Variants in KCNC2 observed in about 807,000 individuals in gnomAD.
The protein encoded by KCNC2 is voltage-gated potassium channel KCNC2.
In KCNC2, 21 loss-of-function variants were observed where a neutral mutation model predicts 44.5. The observed-to-expected ratio is 0.47, with a 90% CI of 0.33 to 0.68. KCNC2 has a LOEUF of 0.68. KCNC2 is among the 30% of genes least tolerant of loss of function. The probability of loss-of-function intolerance (pLI) is 0.01; values close to 1 mark genes in which losing one functional copy is unlikely to be tolerated. For synonymous variants in KCNC2, 391 were observed against 339.1 expected, an observed-to-expected ratio of 1.15 and a Z score of -1.68; for missense variants, 589 against 826.2, an observed-to-expected ratio of 0.71 and a Z score of 3.52.
chr12:75,148,698 C>T (rs930392207), intron 2 of KCNC2, among the ~76,000 whole-genome samples: 4 of 151,724 alleles, frequency 2.6e-5, no homozygotes, highest in African/African-American at 9.7e-5. Flanking sequence ...TATTACTAAG[C>T]GTTGTTGTGG....
chr12:75,191,393 A>C (rs2030196978), intron 2 of KCNC2, among the ~76,000 whole-genome samples: 1 of 151,264 alleles, frequency 6.6e-6, no homozygotes, highest in African/African-American at 2.4e-5. Flanking sequence ...CATTGTAAAA[A>C]TATTTAAATT....
At chr12:75,190,999 A>G (rs1240029930) in intron 2 of KCNC2, among the ~76,000 whole-genome samples, 3 of 152,126 alleles carry the variant, frequency 2.0e-5, no homozygotes, top group Non-Finnish European at 4.4e-5. Flanking sequence ...ATTCAGTAAG[A>G]TAACTATACC....
chr12:75,205,491 T>A (rs944832774), intron 2 of KCNC2, among the ~76,000 whole-genome samples: 4 of 152,116 alleles, frequency 2.6e-5, no homozygotes, highest in African/African-American at 9.7e-5. Context: ...AAGTCAATGG[T>A]TTATCCTTTT....
chr12:75,120,180 G>A (rs76622495), intron 2 of KCNC2, among the ~76,000 whole-genome samples: 2,140 of 152,252 alleles, frequency 0.014, 44 homozygotes, highest in African/African-American at 0.048. Flanking sequence ...AGAACAACAC[G>A]TTTTCCATTA....
chr12:75,126,758 C>G (rs1464412204), intron 2 of KCNC2, among the ~76,000 whole-genome samples: 1 of 151,986 alleles, frequency 6.6e-6, no homozygotes, highest in Admixed American at 6.6e-5. Flanking sequence ...AAGTTATAAA[C>G]AAGAACATTC....
Position 75,069,129 on chromosome 12 carries a change from C to CTTTTTTTTTTTTTTTTTTTTTTTTTTT in KCNC2, c.688-17813_688-17812insAAAAAAAAAAAAAAAAAAAAAAAAAAA, listed in dbSNP as rs1158151551. 6.3e-5 allele frequency among the ~76,000 whole-genome samples: 4 copies of CTTTTTTTTTTTTTTTTTTTTTTTTTTT among 63,662 alleles called. 1 individual carries two copies. Among genetic ancestry groups the CTTTTTTTTTTTTTTTTTTTTTTTTTTT allele is most frequent in the Non-Finnish European group, 1.1e-4 (4 of 36,252 alleles). The allele number at this position is 63,662 out of a possible 152,430, so 41.8% of individuals were successfully genotyped here. A position where few individuals can be genotyped will look rare whatever the true frequency, so the allele number is the denominator to read the frequency against. ...AAAAACAGTTTCAATTTTATATAAT[C>CTTTTTTTTTTTTTTTTTTTTTTTTTTT]TTTTTTTTTTTTTTTTTTTTTTGAG... On this transcript the variant is annotated intron_variant, in intron 2 of 4. Transcript: ENST00000549446.
chr12:75,082,797 A>G (rs1044974181), intron 2 of KCNC2, among the ~76,000 whole-genome samples: 10 of 151,858 alleles, frequency 6.6e-5, no homozygotes, highest in Admixed American at 4.6e-4. Flanking sequence ...AATATTAAGG[A>G]TGATTTTTAT....
intron 2 of KCNC2, among the ~76,000 whole-genome samples, chr12:75,074,189 G>A (rs578210802): frequency 1.1e-3 from 160 of 151,210 alleles, no homozygotes; most frequent in Non-Finnish European, 2.1e-3. Flanking sequence ...AAAATAAGTA[G>A]GAGGTCTGCA....
intron 4 of KCNC2, chr12:75,043,663 A>G (rs1222800024): frequency 1.5e-6 from 2 of 1,308,148 alleles, no homozygotes; most frequent in Non-Finnish European, 2.0e-6. Context: ...TTTATTTCCT[A>G]AGCCAATAAA....
chr12:75,114,496 T>G (rs1887496679), intron 2 of KCNC2, among the ~76,000 whole-genome samples: 1 of 152,198 alleles, frequency 6.6e-6, no homozygotes, highest in Admixed American at 6.5e-5. Flanking sequence ...TGGCCTCCTT[T>G]AAGTCTTGGC....
intron 2 of KCNC2, among the ~76,000 whole-genome samples, chr12:75,110,191 A>G (rs1887118626): frequency 6.6e-6 from 1 of 152,140 alleles, no homozygotes; most frequent in Non-Finnish European, 1.5e-5. Flanking sequence ...AGGGTTCACC[A>G]TGTCCCAGAA....
chr12:75,171,849 C>T (rs1891843319), intron 2 of KCNC2, among the ~76,000 whole-genome samples: 1 of 151,706 alleles, frequency 6.6e-6, no homozygotes, highest in South Asian at 2.1e-4. Context: ...ACTTTGTGTG[C>T]AAGTATCAGT....
At chr12:75,161,199 CA>C (rs1244641087) in intron 2 of KCNC2, among the ~76,000 whole-genome samples, 14 of 151,350 alleles carry the variant, frequency 9.3e-5, no homozygotes. Context: ...GTCATGAAAG[CA>C]ATAATAATTA....
intron 2 of KCNC2, among the ~76,000 whole-genome samples, chr12:75,133,756 T>G (rs1481462706): frequency 6.6e-6 from 1 of 152,048 alleles, no homozygotes; most frequent in Non-Finnish European, 1.5e-5. Context: ...ATGCAATATA[T>G]GTAATTCATT....
At chr12:75,093,780 T>A (rs1885692488) in intron 2 of KCNC2, among the ~76,000 whole-genome samples, 1 of 151,600 alleles carries the variant, frequency 6.6e-6, no homozygotes, top group Non-Finnish European at 1.5e-5. Flanking sequence ...TTCAAAAATA[T>A]TAGGACTAAA....
chr12:75,084,966 C>G (rs1179081838), intron 2 of KCNC2, among the ~76,000 whole-genome samples: 29 of 149,676 alleles, frequency 1.9e-4, no homozygotes, highest in Admixed American at 1.9e-3. Context: ...TCTATCTATC[C>G]AAAGAGATCA....
At chr12:75,080,686 C>G (rs1370930563) in intron 2 of KCNC2, among the ~76,000 whole-genome samples, 1 of 152,048 alleles carries the variant, frequency 6.6e-6, no homozygotes, top group African/African-American at 2.4e-5. Context: ...CTGAATCTGG[C>G]CCCTTTAGCA....
chr12:75,197,370 C>T (rs2030862498), intron 2 of KCNC2, among the ~76,000 whole-genome samples: 1 of 151,880 alleles, frequency 6.6e-6, no homozygotes, highest in Admixed American at 6.6e-5. Context: ...CCCGTTAAGC[C>T]TTCATGTTTG....
chr12:75,095,855 A>T (rs1046466825), intron 2 of KCNC2, among the ~76,000 whole-genome samples: 1 of 151,932 alleles, frequency 6.6e-6, no homozygotes, highest in Non-Finnish European at 1.5e-5. Context: ...TGACTTTCAT[A>T]CCATAATTAT....
Sources: gnomAD v4.1 joint callset for allele counts (sites outside exome capture counted in the v4.1 genomes callset) on GRCh38, gnomAD v4.1.1 for gene constraint, MANE v1.5 for transcripts, NCBI Gene and HGNC (gene_info 2026-07-23, HGNC 2026-07-21) for gene names.